The following CNTN4 variants were observed in gnomAD, a reference collection of about 807,000 sequenced individuals.
The protein encoded by CNTN4 is contactin-4.
A neutral mutation model predicts 122.5 loss-of-function variants in CNTN4; 77 were observed. The ratio of observed to expected loss-of-function variants is 0.63; its 90% CI spans 0.52 to 0.76. The LOEUF (loss-of-function observed/expected upper bound fraction) is 0.76. CNTN4 is among the 30% of genes least tolerant of loss of function. The pLI is 0.00. For synonymous variants in CNTN4, 512 were observed against 447.0 expected (o/e 1.15, Z -1.83); for missense variants, 1,256 against 1,259.1 (o/e 1.00, Z 0.04).
At chr3:2,781,156 C>T (rs779457448) in intron 6 of CNTN4, among the ~76,000 whole-genome samples, 2 of 152,126 alleles carry the variant, frequency 1.3e-5, no homozygotes, top group Non-Finnish European at 2.9e-5. Context: ...TCCACCTAAA[C>T]GAGGAATAAA....
intron 4 of CNTN4, among the ~76,000 whole-genome samples, chr3:2,703,679 A>G (rs114931060): frequency 1.3e-5 from 2 of 152,172 alleles, no homozygotes; most frequent in Non-Finnish European, 2.9e-5. Flanking sequence ...ATTAACTTAA[A>G]TAAACATTAA....
In CNTN4 at chr3:2,745,549, C is replaced by T. The variant is rs78578205; in HGVS notation, c.210C>T (p.Asp70=). The change falls in exon 6 of 25, where the codon GAC becomes GAT. Residue 70 remains aspartate (D), a synonymous_variant. Coordinates refer to ENST00000418658, the MANE Select transcript of CNTN4 (RefSeq NM_175607.3). ...GGAAGTTAAATGGAACAGATGTTGA[C>T]ACTGGTATGGATTTCCGCTACAGTG... ...IRWKLNGTDV[D]TGMDFRYSVV... 2.4e-4 allele frequency: 395 copies of T among 1,614,058 alleles called. 1 individual carries two copies. The African/African-American group carries it at 4.6e-3, about 19-fold the overall frequency.
At chr3:2,594,234 T>G (rs2149686084) in intron 4 of CNTN4, among the ~76,000 whole-genome samples, 1 of 152,256 alleles carries the variant, frequency 6.6e-6, no homozygotes, top group East Asian at 1.9e-4. Context: ...AAACTGGTTT[T>G]TTTTTGACAA....
intron 7 of CNTN4, among the ~76,000 whole-genome samples, chr3:2,865,853 T>A (rs1330779080): frequency 1.3e-5 from 2 of 152,186 alleles, no homozygotes; most frequent in Non-Finnish European, 2.9e-5. Context: ...CTTATAAAAG[T>A]TAGAACTTTC....
At chr3:2,862,685 A>G (rs905598670) in intron 7 of CNTN4, among the ~76,000 whole-genome samples, 4 of 152,200 alleles carry the variant, frequency 2.6e-5, no homozygotes, top group African/African-American at 7.2e-5. Flanking sequence ...AAGTATAAAT[A>G]TTGCATGAAA....
chr3:2,112,183 C>CT (rs1286491919), intron 2 of CNTN4, among the ~76,000 whole-genome samples: 1 of 152,140 alleles, frequency 6.6e-6, no homozygotes, highest in African/African-American at 2.4e-5. Context: ...ACTGAATAGG[C>CT]TCTCATCTGT....
In CNTN4 at chr3:2,770,573, A is replaced by G. The variant is rs114841134; in HGVS notation, c.358+24876A>G. On this transcript the variant is annotated intron_variant, in intron 6 of 24. Transcript: ENST00000418658. Reference sequence around the variant, plus strand: ...TGCAAAATAGTGTCTCTTTTTCTACAGATCTTTCTTGCCTGGCTTCTACAC... The same window carrying G: ...TGCAAAATAGTGTCTCTTTTTCTACGGATCTTTCTTGCCTGGCTTCTACAC... Among the ~76,000 whole-genome samples, 478 of 152,342 alleles carry G rather than the reference A, an allele frequency of 3.1e-3. 4 individuals carry two copies. Among genetic ancestry groups the G allele is most frequent in the African/African-American group, 0.011 (466 of 41,586 alleles).
At chr3:2,269,048 T>G (rs2041165247) in intron 2 of CNTN4, among the ~76,000 whole-genome samples, 1 of 152,144 alleles carries the variant, frequency 6.6e-6, no homozygotes, top group African/African-American at 2.4e-5. Context: ...TCTGATGCAT[T>G]AGTTGCACTG....
chr3:2,565,572 T>A (rs998636189), intron 3 of CNTN4, among the ~76,000 whole-genome samples: 1 of 152,206 alleles, frequency 6.6e-6, no homozygotes, highest in Non-Finnish European at 1.5e-5. Flanking sequence ...GTATGGTCAA[T>A]AATCTTTCCT....
intron 7 of CNTN4, 184 bp from the exon 8 acceptor site, chr3:2,866,568 G>A: frequency 8.1e-7 from 1 of 1,229,540 alleles, no homozygotes; most frequent in Non-Finnish European, 1.1e-6. Flanking sequence ...CTTATTGACT[G>A]ATAGTAGAAA....
intron 3 of CNTN4, among the ~76,000 whole-genome samples, chr3:2,512,218 G>T (rs1284138568): frequency 1.3e-5 from 2 of 152,076 alleles, no homozygotes; most frequent in Non-Finnish European, 2.9e-5. Context: ...TTGCCATGGA[G>T]GTGGGCAGGA....
At chr3:2,105,111 A>G (rs190302800) in intron 2 of CNTN4, among the ~76,000 whole-genome samples, 2 of 152,292 alleles carry the variant, frequency 1.3e-5, no homozygotes, top group East Asian at 1.9e-4. Context: ...CAGTGGCTCT[A>G]GTTGGGCTCC....
chr3:2,959,145 T>C (rs1233764211), intron 13 of CNTN4, among the ~76,000 whole-genome samples: 2 of 152,216 alleles, frequency 1.3e-5, no homozygotes, highest in Non-Finnish European at 2.9e-5. Context: ...CTATAAACTA[T>C]TCCTTTGGGC....
At chr3:2,612,962 A>G (rs977462297) in intron 4 of CNTN4, among the ~76,000 whole-genome samples, 10 of 152,186 alleles carry the variant, frequency 6.6e-5, no homozygotes, top group Non-Finnish European at 1.5e-4. Flanking sequence ...ATGCATGACT[A>G]GAGGAAGCAT....
intron 6 of CNTN4, among the ~76,000 whole-genome samples, chr3:2,797,948 A>G (rs1181205765): frequency 7.4e-6 from 1 of 135,748 alleles, no homozygotes; most frequent in Non-Finnish European, 1.6e-5. Flanking sequence ...GTATAAATTT[A>G]GAAGGTAAAA....
intron 1 of CNTN4, chr3:2,099,265 C>T (rs2031685149): frequency 1.3e-5 from 2 of 152,344 alleles, no homozygotes; most frequent in Admixed American, 6.5e-5. Context: ...CCCTTCTTCT[C>T]CTTCTCAGCC....
intron 15 of CNTN4, among the ~76,000 whole-genome samples, chr3:3,030,603 C>A (rs1194098316): frequency 6.6e-6 from 1 of 152,208 alleles, no homozygotes; most frequent in Non-Finnish European, 1.5e-5. Flanking sequence ...GTCCTTCCGA[C>A]ATGGGTGCCA....
intron 4 of CNTN4, among the ~76,000 whole-genome samples, chr3:2,708,959 C>T (rs779005976): frequency 1.9e-4 from 29 of 152,090 alleles, no homozygotes; most frequent in African/African-American, 3.6e-4. Context: ...TCTCCTGTGT[C>T]GATATCGCAT....
At chr3:2,726,137 G>T (rs2088205617) in intron 4 of CNTN4, among the ~76,000 whole-genome samples, 1 of 151,958 alleles carries the variant, frequency 6.6e-6, no homozygotes, top group African/African-American at 2.4e-5. Context: ...CTCTTTTTAG[G>T]TTCTCTCTCT....
Sources: gnomAD v4.1 joint callset for allele counts (sites outside exome capture counted in the v4.1 genomes callset) on GRCh38, gnomAD v4.1.1 for gene constraint, MANE v1.5 for transcripts, NCBI Gene and HGNC (gene_info 2026-07-23, HGNC 2026-07-21) for gene names.